The following NPHP3 variants were observed in gnomAD, a reference collection of about 807,000 sequenced individuals.
The protein encoded by NPHP3 is nephrocystin-3.
In NPHP3, 123 loss-of-function variants were observed where a neutral mutation model predicts 171.9. That is an observed-to-expected ratio of 0.72 (90% CI 0.62 to 0.83). The LOEUF (loss-of-function observed/expected upper bound fraction) is 0.83, where lower values mean the gene tolerates loss of function less well. Among genes scored for constraint, NPHP3 ranks in the 40% least tolerant of loss-of-function variants. The pLI, the probability that NPHP3 is intolerant of heterozygous loss-of-function variation, is 0.00. For synonymous variants in NPHP3, 558 were observed against 579.2 expected (o/e 0.96, Z 0.52); for missense variants, 1,506 against 1,591.9 (o/e 0.95, Z 0.92).
At chr3:132,718,322 T>C (rs1462577024) in intron 3 of NPHP3, among the ~76,000 whole-genome samples, 3 of 152,248 alleles carry the variant, frequency 2.0e-5, no homozygotes, top group Non-Finnish European at 4.4e-5. Flanking sequence ...CACTCTGTGA[T>C]TTCAAGCTTT....
chr3:132,686,516 A>G, intron 22 of NPHP3, 129 bp from the exon 23 acceptor site: 1 of 979,432 alleles, frequency 1.0e-6, no homozygotes, highest in Non-Finnish European at 1.6e-6. Flanking sequence ...TATTTTAAGC[A>G]TCACACTAAA....
intron 19 of NPHP3, among the ~76,000 whole-genome samples, chr3:132,689,607 A>C (rs899359598): frequency 6.6e-6 from 1 of 152,174 alleles, no homozygotes; most frequent in Non-Finnish European, 1.5e-5. Flanking sequence ...ATGGGAATCT[A>C]TCTGAATCCT....
chr3:132,716,345 G>C (rs553932386), intron 4 of NPHP3, among the ~76,000 whole-genome samples: 44 of 152,156 alleles, frequency 2.9e-4, no homozygotes, highest in Non-Finnish European at 5.6e-4. Flanking sequence ...TGTGGATATA[G>C]AAGGAAAACT....
At position 132,722,263 on chromosome 3, in the gene NPHP3, C is replaced by T. The variant is rs1190759276; in HGVS notation, c.93G>A (p.Pro31=). The T allele has an allele frequency of 5.1e-6, 8 of 1,576,534 alleles. No individual in the cohort carries two copies. The highest frequency in any genetic ancestry group is 1.8e-4 in the Middle Eastern group (1 of 5,468). ...GAGGGEACEI[P]VEVKPKARLL... is the part of the protein sequence containing the mutation. ...GGCGGGCCTTGGGCTTCACCTCCAC[C>T]GGGATCTCGCAGGCCTCGCCGCCGC... Residue 31 remains proline (P), a synonymous_variant, in exon 1 of 27, where the codon CCG becomes CCA. Transcript: ENST00000337331.
chr3:132,688,545 G>A, intron 21 of NPHP3, 105 bp downstream of exon 21: 1 of 1,236,784 alleles, frequency 8.1e-7, no homozygotes. Context: ...CTAGGCACAG[G>A]GTAAGGAAAA....
intron 9 of NPHP3, among the ~76,000 whole-genome samples, chr3:132,701,814 A>G (rs1939614942): frequency 6.6e-6 from 1 of 152,144 alleles, no homozygotes; most frequent in Admixed American, 6.5e-5. Context: ...TGAGGTCAGG[A>G]GATCGAGAAC....
At chr3:132,711,541 A>G (rs1001288167) in intron 6 of NPHP3, among the ~76,000 whole-genome samples, 26 of 152,128 alleles carry the variant, frequency 1.7e-4, no homozygotes, top group Non-Finnish European at 1.9e-4. Flanking sequence ...TAATGTATAC[A>G]ATGTTTTATT....
rs773563177 is a variant in NPHP3, at chr3:132,719,685, T to TA, written c.519+19dup. 1.3e-6 allele frequency: 2 copies of TA among 1,510,204 alleles called. No individual in the cohort carries two copies. Among genetic ancestry groups the TA allele is most frequent in the South Asian group, 1.4e-5 (1 of 72,550 alleles). The allele number at this position is 1,510,204 out of a possible 1,614,324, so 93.6% of individuals were successfully genotyped here. On this transcript the variant is annotated intron_variant, in intron 2 of 26. Coordinates refer to ENST00000337331, the MANE Select transcript of NPHP3 (RefSeq NM_153240.5). ...ATTTTATTCTATGTTGCTTTGGGGG[T>TA]AAAAATGTAAGGAATTTACCTTGAA...
intron 7 of NPHP3, among the ~76,000 whole-genome samples, chr3:132,706,323 C>T (rs947647807): frequency 6.7e-6 from 1 of 148,840 alleles, no homozygotes; most frequent in African/African-American, 2.5e-5. Context: ...CGCTCTACTG[C>T]ACTCCAGCCT....
chr3:132,716,918 C>A lies in NPHP3; in HGVS notation c.671-9G>T. On this transcript the variant is annotated splice_polypyrimidine_tract_variant and intron_variant, in intron 3 of 26. Coordinates refer to ENST00000337331, the MANE Select transcript of NPHP3 (RefSeq NM_153240.5). The stretch of plus-strand genomic sequence containing the variant: ...ACATTGGGTTCCAGCAGCTGTTCAG[C>A]AAGAGATTTTTATCTTGTGAAAGCC... 6.2e-7 allele frequency: 1 copy of A among 1,613,272 alleles called. No homozygotes were observed. The highest frequency in any genetic ancestry group is 8.5e-7 in the Non-Finnish European group (1 of 1,179,994).
chr3:132,684,439 T>A, intron 24 of NPHP3, 115 bp downstream of exon 24: 1 of 1,013,048 alleles, frequency 9.9e-7, no homozygotes, highest in Admixed American at 1.9e-5. Context: ...AAATCATGAT[T>A]TTTAAAGCTC....
At chr3:132,682,928 A>G in intron 25 of NPHP3, 110 bp from the exon 26 acceptor site, 1 of 723,562 alleles carries the variant, frequency 1.4e-6, no homozygotes, top group South Asian at 1.5e-5. Flanking sequence ...ATATCCTCCT[A>G]AAAGATGGGA....
At position 132,708,085 on chromosome 3, in the gene NPHP3, T is replaced by C. The variant is rs1939805687; in HGVS notation, c.1275+16A>G. On this transcript the variant is annotated intron_variant, in intron 7 of 26. Coordinates refer to ENST00000337331, the MANE Select transcript of NPHP3 (RefSeq NM_153240.5). Reference sequence around the variant, plus strand: ...CTCAGCTAAGTGTGTTTTTCAAAAATGCCTATGAATTTTACCTTGGCTTTG... The same window carrying C: ...CTCAGCTAAGTGTGTTTTTCAAAAACGCCTATGAATTTTACCTTGGCTTTG... The C allele has an allele frequency of 6.2e-7, 1 of 1,613,652 alleles. No individual in the cohort carries two copies. Among genetic ancestry groups the C allele is most frequent in the Non-Finnish European group, 8.5e-7 (1 of 1,179,658 alleles).
At chr3:132,705,608 C>A in intron 8 of NPHP3, 132 bp downstream of exon 8, 2 of 597,824 alleles carry the variant, frequency 3.3e-6, no homozygotes, top group South Asian at 4.0e-5. Flanking sequence ...GGACTCCCAA[C>A]AGAAACAACA....
intron 7 of NPHP3, 140 bp from the exon 8 acceptor site, chr3:132,705,954 C>T: frequency 1.8e-6 from 1 of 562,968 alleles, no homozygotes; most frequent in South Asian, 2.2e-5. Context: ...TCACAACAAC[C>T]TTAGGAGGGA....
intron 8 of NPHP3, among the ~76,000 whole-genome samples, chr3:132,705,047 T>C (rs571012132): frequency 6.6e-6 from 1 of 152,240 alleles, no homozygotes; most frequent in African/African-American, 2.4e-5. Flanking sequence ...TCAAATAGGG[T>C]TTTTGGTTGG....
At chr3:132,719,648 T>A in intron 2 of NPHP3, 57 bp downstream of exon 2, 2 of 1,155,026 alleles carry the variant, frequency 1.7e-6, no homozygotes, top group Non-Finnish European at 2.4e-6. Context: ...ATATATACTT[T>A]TAGAATATAC....
intron 21 of NPHP3, among the ~76,000 whole-genome samples, 170 bp downstream of exon 21, chr3:132,688,480 C>T (rs1310376164): frequency 6.6e-6 from 1 of 152,148 alleles, no homozygotes; most frequent in Non-Finnish European, 1.5e-5. Context: ...CTTCATGCAT[C>T]TTCAAACAGA....
chr3:132,711,711 A>T (rs183145148), intron 6 of NPHP3, among the ~76,000 whole-genome samples: 5 of 152,130 alleles, frequency 3.3e-5, no homozygotes, highest in South Asian at 2.1e-4. Flanking sequence ...CAAGTAAGAT[A>T]AAAAAACTAC....
Sources: gnomAD v4.1 joint callset for allele counts (sites outside exome capture counted in the v4.1 genomes callset) on GRCh38, gnomAD v4.1.1 for gene constraint, MANE v1.5 for transcripts, NCBI Gene and HGNC (gene_info 2026-07-23, HGNC 2026-07-21) for gene names.